SLCO1B3: variants seen among roughly 807,000 people sequenced by gnomAD.
SLCO1B3 encodes the protein solute carrier organic anion transporter family member 1B3.
SLCO1B3 carries 72 observed loss-of-function variants against 71.8 expected under a neutral mutation model. The observed-to-expected ratio is 1.00, with a 90% CI of 0.83 to 1.22. The LOEUF (loss-of-function observed/expected upper bound fraction) is 1.22, where lower values mean the gene tolerates loss of function less well. Among genes scored for constraint, SLCO1B3 ranks in the 50% most tolerant of loss-of-function variants. The pLI, the probability that SLCO1B3 is intolerant of heterozygous loss-of-function variation, is 0.00. For synonymous variants in SLCO1B3, 298 were observed against 278.4 expected, an observed-to-expected ratio of 1.07 and a Z score of -0.70; for missense variants, 911 against 819.7, an observed-to-expected ratio of 1.11 and a Z score of -1.36.
chr12:20,843,927 T>G (rs995321892), intron 3 of SLCO1B3, among the ~76,000 whole-genome samples: 4 of 152,162 alleles, frequency 2.6e-5, no homozygotes, highest in Admixed American at 1.3e-4. Context: ...TGTGTCCCTA[T>G]GTCTTTTGCT....
Position 20,853,310 on chromosome 12 carries a change from G to A in SLCO1B3, c.85-1718G>A, listed in dbSNP as rs541792523. ...TGGAGTTTCTTTCAAAAGTATTGGT[G>A]TTACTTATTCTTTAGGAGTTTGGTA... On this transcript the variant is annotated intron_variant, in intron 3 of 15. Transcript: ENST00000381545. Among the ~76,000 whole-genome samples the A allele has an allele frequency of 5.3e-5, 8 of 152,052 alleles. No homozygotes were observed. The South Asian group carries it at 1.5e-3, about 28-fold the overall frequency.
Position 20,885,797 on chromosome 12 carries a change from T to C in SLCO1B3, c.1682+2195T>C, listed in dbSNP as rs12302809. On this transcript the variant is annotated intron_variant, in intron 13 of 15. Coordinates refer to ENST00000381545, the MANE Select transcript of SLCO1B3 (RefSeq NM_019844.4). Reference sequence around the variant, plus strand: ...CAGAGCTAGCGTGATCCAGATTATATTGTTCACAGGAAAGGCTTTGGAGCT... The same window carrying C: ...CAGAGCTAGCGTGATCCAGATTATACTGTTCACAGGAAAGGCTTTGGAGCT... 1.2e-3 allele frequency among the ~76,000 whole-genome samples: 181 copies of C among 152,070 alleles called. 2 individuals carry two copies. The highest frequency in any genetic ancestry group is 4.0e-3 in the African/African-American group (168 of 41,526).
At chr12:20,843,240 C>T (rs907466414) in intron 3 of SLCO1B3, among the ~76,000 whole-genome samples, 1 of 151,720 alleles carries the variant, frequency 6.6e-6, no homozygotes, top group East Asian at 1.9e-4. Flanking sequence ...TATTTTTGGT[C>T]TCATTTTTTA....
At chr12:20,846,614 A>T (rs1025042815) in intron 3 of SLCO1B3, among the ~76,000 whole-genome samples, 4 of 152,204 alleles carry the variant, frequency 2.6e-5, no homozygotes, top group Admixed American at 2.0e-4. Flanking sequence ...CCCTGGAAGA[A>T]CAGGGGATAA....
intron 15 of SLCO1B3, among the ~76,000 whole-genome samples, chr12:20,915,228 T>TA (rs1257297914): frequency 1.3e-5 from 2 of 152,218 alleles, no homozygotes; most frequent in South Asian, 2.1e-4. Flanking sequence ...GATATAAACT[T>TA]AGAGATTGTT....
intron 3 of SLCO1B3, among the ~76,000 whole-genome samples, chr12:20,840,496 A>G (rs1864773877): frequency 6.6e-6 from 1 of 151,212 alleles, no homozygotes; most frequent in South Asian, 2.1e-4. Flanking sequence ...GGTTCAAGCA[A>G]TTCTCTGCCT....
intron 15 of SLCO1B3, among the ~76,000 whole-genome samples, chr12:20,909,447 A>T (rs1052203755): frequency 2.6e-5 from 4 of 151,410 alleles, no homozygotes; most frequent in Non-Finnish European, 5.9e-5. Flanking sequence ...TGCTGGGATT[A>T]CAGGTGTGAG....
chr12:20,833,988 A>T (rs929563128), intron 3 of SLCO1B3, among the ~76,000 whole-genome samples: 2 of 40,366 alleles, frequency 5.0e-5, no homozygotes, highest in Non-Finnish European at 1.9e-4. Context: ...TAGTAAACAT[A>T]TATGTCTATG....
chr12:20,815,719 T>G lies in SLCO1B3; in HGVS notation c.-20T>G. 1.2e-6 allele frequency: 1 copy of G among 813,926 alleles called. No individual in the cohort carries two copies. The highest frequency in any genetic ancestry group is 1.8e-6 in the Non-Finnish European group (1 of 541,874). The allele number at this position is 813,926 out of a possible 1,614,324, so 50.4% of individuals were successfully genotyped here. On this transcript the variant is annotated 5_prime_UTR_variant, in exon 3 of 16. Transcript: ENST00000381545. ...ATCAGCAACAATTAAAAATATTCAC[T>G]TGGTATCTGTAGTTTAATAATGGAC...
intron 4 of SLCO1B3, among the ~76,000 whole-genome samples, chr12:20,856,052 A>G (rs1865128737): frequency 6.6e-6 from 1 of 152,176 alleles, no homozygotes; most frequent in African/African-American, 2.4e-5. Context: ...TTGTGATTCA[A>G]AGATATGACA....
chr12:20,855,192 G>GATT (rs1245352838), intron 4 of SLCO1B3, 23 bp downstream of exon 4: 15 of 1,584,098 alleles, frequency 9.5e-6, no homozygotes, highest in Non-Finnish European at 1.0e-5. Context: ...TTTTCTATTT[G>GATT]ATAACCATAC....
At chr12:20,844,291 G>A (rs74778058) in intron 3 of SLCO1B3, among the ~76,000 whole-genome samples, 5 of 151,950 alleles carry the variant, frequency 3.3e-5, no homozygotes, top group Non-Finnish European at 7.4e-5. Context: ...TTCTGGCCAG[G>A]CGCAGTGGCT....
intron 3 of SLCO1B3, among the ~76,000 whole-genome samples, chr12:20,843,607 C>G (rs556374198): frequency 2.0e-5 from 3 of 151,788 alleles, no homozygotes; most frequent in African/African-American, 7.3e-5. Context: ...GGTGAAACCC[C>G]GTCTCTACTA....
intron 3 of SLCO1B3, among the ~76,000 whole-genome samples, chr12:20,843,142 T>C (rs2121179070): frequency 6.6e-6 from 1 of 152,348 alleles, no homozygotes; most frequent in Non-Finnish European, 1.5e-5. Context: ...TTGATACGCC[T>C]CTTTAACCTT....
rs557418717 is a variant in SLCO1B3, at chr12:20,820,824, G to C, written c.84+5002G>C. On this transcript the variant is annotated intron_variant, in intron 3 of 15. Coordinates refer to ENST00000381545, the MANE Select transcript of SLCO1B3 (RefSeq NM_019844.4). ...CTGGGTTTTTATATTTGATGAAAAA[G>C]AGCCTAAACGCTTCTGATTTGGGAT... 7.3e-3 allele frequency among the ~76,000 whole-genome samples: 1,109 copies of C among 152,198 alleles called. 20 individuals carry two copies. Among genetic ancestry groups the C allele is most frequent in the African/African-American group, 0.026 (1,066 of 41,516 alleles).
At chr12:20,882,764 C>T (rs574013976) in intron 12 of SLCO1B3, among the ~76,000 whole-genome samples, 119 of 152,242 alleles carry the variant, frequency 7.8e-4, no homozygotes, top group African/African-American at 2.8e-3. Context: ...TCAAGATGAA[C>T]TTAAATCTTT....
intron 5 of SLCO1B3, among the ~76,000 whole-genome samples, chr12:20,859,456 A>G (rs1865208487): frequency 6.6e-6 from 1 of 151,842 alleles, no homozygotes; most frequent in African/African-American, 2.4e-5. Flanking sequence ...TCCAGCAATC[A>G]TGCCTGTTGG....
At chr12:20,817,473 C>G (rs191451505) in intron 3 of SLCO1B3, among the ~76,000 whole-genome samples, 28 of 152,262 alleles carry the variant, frequency 1.8e-4, no homozygotes, top group African/African-American at 6.5e-4. Context: ...GCACCTTTGT[C>G]AAGAATAAGC....
At chr12:20,908,400 C>A (rs896275047) in intron 15 of SLCO1B3, among the ~76,000 whole-genome samples, 2 of 152,162 alleles carry the variant, frequency 1.3e-5, no homozygotes, top group Non-Finnish European at 2.9e-5. Context: ...TCAGGATCCA[C>A]AGTTTACATC....
Sources: gnomAD v4.1 joint callset for allele counts (sites outside exome capture counted in the v4.1 genomes callset) on GRCh38, gnomAD v4.1.1 for gene constraint, MANE v1.5 for transcripts, NCBI Gene and HGNC (gene_info 2026-07-23, HGNC 2026-07-21) for gene names.